ARID1A: variants seen among roughly 807,000 people sequenced by gnomAD.
ARID1A encodes the protein AT-rich interactive domain-containing protein 1A.
ARID1A carries 20 observed loss-of-function variants against 212.6 expected under a neutral mutation model. That is an observed-to-expected ratio of 0.09 (90% CI 0.07 to 0.14). The LOEUF is 0.14. ARID1A is among the 10% of genes least tolerant of loss of function. The pLI is 1.00. For missense variants in ARID1A, 2,587 were observed against 3,059.0 expected (o/e 0.85, Z 3.64); for synonymous variants, 1,376 against 1,222.1 (o/e 1.13, Z -2.63).
At position 26,766,350 on chromosome 1, in the gene ARID1A, G is replaced by A. The variant is rs2124080415; in HGVS notation, c.2862G>A (p.Met954Ile). ...CCCCATATTCCATGGGTGGAACCAT[G>A]GCCAACAATTCTGCAGGTAAGTGCT... ...QGPPYSMGGT[M>I]ANNSAGMAAS... is the part of the protein sequence containing the mutation. The change falls in exon 9 of 20, where the codon ATG becomes ATA. Residue 954 changes from methionine (M) to isoleucine (I), a missense_variant. Coordinates refer to ENST00000324856, the MANE Select transcript of ARID1A (RefSeq NM_006015.6). 1 of 1,614,178 alleles carries A rather than the reference G, an allele frequency of 6.2e-7. No homozygotes were observed. The highest frequency in any genetic ancestry group is 8.5e-7 in the Non-Finnish European group (1 of 1,180,032).
Position 26,779,074 on chromosome 1 carries a change from G to GT in ARID1A, c.5176_5177insT (p.Glu1726ValfsTer10). Reference sequence around the variant, plus strand: ...AGAATATTTCCGACGATGCCTGATTGAGATCTTTGGCATTTTAAAGGAGTA... The same window carrying GT: ...AGAATATTTCCGACGATGCCTGATTGTAGATCTTTGGCATTTTAAAGGAGTA... On this transcript the variant is annotated frameshift_variant, in exon 20 of 20. Transcript: ENST00000324856. LOFTEE classifies it high-confidence loss of function. 4 of 1,513,118 alleles carry GT rather than the reference G, an allele frequency of 2.6e-6. No individual in the cohort carries two copies. Among genetic ancestry groups the GT allele is most frequent in the Admixed American group, 2.3e-5 (1 of 44,406 alleles). The allele number at this position is 1,513,118 out of a possible 1,614,324, so 93.7% of individuals were successfully genotyped here.
At chr1:26,698,817 A>G (rs2080304642) in intron 1 of ARID1A, among the ~76,000 whole-genome samples, 1 of 152,098 alleles carries the variant, frequency 6.6e-6, no homozygotes, top group Non-Finnish European at 1.5e-5. Context: ...TGGGATCTTT[A>G]TGGGGGGCCA....
intron 4 of ARID1A, among the ~76,000 whole-genome samples, chr1:26,755,726 G>A (rs1370535413): frequency 1.3e-5 from 2 of 151,948 alleles, no homozygotes; most frequent in Non-Finnish European, 2.9e-5. Flanking sequence ...TGATAGGAGT[G>A]GTTGGTGGGT....
rs1322562358 is a variant in ARID1A, at chr1:26,766,336, A to C, written c.2848A>C (p.Met950Leu). The C allele has an allele frequency of 6.2e-7, 1 of 1,614,186 alleles. No homozygotes were observed. Among genetic ancestry groups the C allele is most frequent in the Non-Finnish European group, 8.5e-7 (1 of 1,180,030 alleles). The change falls in exon 9 of 20, where the codon ATG becomes CTG. Residue 950 changes from methionine to leucine, a missense_variant. Met to Leu is a conservative substitution (Grantham distance 15, BLOSUM62 2). Around this residue, in one of 11 missense-constraint regions of ARID1A, gnomAD observed 674 missense variants for 813.4 expected, o/e 0.83. Coordinates refer to ENST00000324856, the MANE Select transcript of ARID1A (RefSeq NM_006015.6). ...CAACCCTCAGGGACCCCCATATTCC[A>C]TGGGTGGAACCATGGCCAACAATTC... ...MINPQGPPYS[M>L]GGTMANNSAG... is the part of the protein sequence containing the mutation.
intron 11 of ARID1A, 113 bp downstream of exon 11, chr1:26,768,112 C>T (rs2081054339): frequency 1.2e-5 from 14 of 1,203,744 alleles, no homozygotes; most frequent in South Asian, 1.5e-5. Flanking sequence ...TCCCCTCTCC[C>T]GCTTTCTGAG....
At chr1:26,699,373 C>T (rs1488747139) in intron 1 of ARID1A, among the ~76,000 whole-genome samples, 2 of 152,162 alleles carry the variant, frequency 1.3e-5, no homozygotes, top group East Asian at 1.9e-4. Flanking sequence ...TACATGTTTT[C>T]AAAGAGGGGG....
intron 12 of ARID1A, chr1:26,772,241 CAG>C (rs1314782574): frequency 1.6e-5 from 8 of 498,026 alleles, no homozygotes; most frequent in African/African-American, 7.6e-5. Flanking sequence ...GGCAATGACT[CAG>C]GGAATCACCA....
intron 3 of ARID1A, among the ~76,000 whole-genome samples, chr1:26,731,874 GT>G (rs1340251324): frequency 6.6e-6 from 1 of 151,812 alleles, no homozygotes; most frequent in Admixed American, 6.6e-5. Context: ...AATGGGACTG[GT>G]TTTTTTATTT....
At chr1:26,767,639 T>C (rs2081050807) in intron 10 of ARID1A, 151 bp from the exon 11 acceptor site, 1 of 781,690 alleles carries the variant, frequency 1.3e-6, no homozygotes, top group East Asian at 2.7e-5. Context: ...GGTTCTCTTT[T>C]GGCCCTTCAA....
intron 4 of ARID1A, chr1:26,753,347 C>T (rs1318825894): frequency 2.6e-5 from 4 of 152,230 alleles, no homozygotes; most frequent in African/African-American, 9.6e-5. Flanking sequence ...CATGCTGGCA[C>T]TCACTAGGGC....
chr1:26,696,926 G>A lies in ARID1A; in HGVS notation c.523G>A (p.Gly175Arg). Reference sequence around the variant, plus strand: ...CGCCGTCTTCCACCAACAACATGGCGGACAACAAAGCCCTGGCCTGGCAGC... The same window carrying A: ...CGCCGTCTTCCACCAACAACATGGCAGACAACAAAGCCCTGGCCTGGCAGC... ...AAAVFHQQHG[G>R]QQSPGLAALQ... Residue 175 changes from glycine (G) to arginine (R), a missense_variant, in exon 1 of 20, where the codon GGA becomes AGA. This residue lies in a region of ARID1A where 735 missense variants were observed against 590.6 expected (regional missense o/e 1.24). Transcript: ENST00000324856. 1.4e-6 allele frequency: 2 copies of A among 1,425,942 alleles called. No homozygotes were observed. The highest frequency in any genetic ancestry group is 3.3e-5 in the Admixed American group (1 of 30,346). The allele number at this position is 1,425,942 out of a possible 1,614,324, so 88.3% of individuals were successfully genotyped here.
chr1:26,737,640 C>T (rs775723367), intron 4 of ARID1A, among the ~76,000 whole-genome samples: 20 of 151,882 alleles, frequency 1.3e-4, no homozygotes, highest in Non-Finnish European at 2.6e-4. Context: ...CTGAGGTGGG[C>T]GGATCACCTG....
intron 4 of ARID1A, among the ~76,000 whole-genome samples, chr1:26,751,443 A>C (rs2080884509): frequency 6.6e-6 from 1 of 152,202 alleles, no homozygotes; most frequent in Non-Finnish European, 1.5e-5. Context: ...CATGGAACCC[A>C]GCCTTTGATC....
intron 4 of ARID1A, among the ~76,000 whole-genome samples, chr1:26,750,519 C>T (rs898550229): frequency 2.6e-5 from 4 of 151,968 alleles, no homozygotes; most frequent in African/African-American, 7.3e-5. Flanking sequence ...AGAGTGGGGT[C>T]CCTAAACAAA....
At position 26,767,873 on chromosome 1, in the gene ARID1A, G is replaced by A. The variant is rs1444728670; in HGVS notation, c.3072G>A (p.Val1024=). The A allele has an allele frequency of 5.0e-6, 8 of 1,614,094 alleles. No homozygotes were observed. Among genetic ancestry groups the A allele is most frequent in the Non-Finnish European group, 6.8e-6 (8 of 1,180,008 alleles). ...GTGAGCCTGAGAGGAAGATGTGGGTGGACCGTTATCTGGCCTTCACTGAGG... is the reference window on the plus strand; with the variant it reads ...GTGAGCCTGAGAGGAAGATGTGGGTAGACCGTTATCTGGCCTTCACTGAGG... ...LGGEPERKMW[V]DRYLAFTEEK... The change falls in exon 11 of 20, where the codon GTG becomes GTA. Residue 1024 remains valine, a synonymous_variant. Coordinates refer to ENST00000324856, the MANE Select transcript of ARID1A (RefSeq NM_006015.6).
At chr1:26,698,952 A>G (rs948571844) in intron 1 of ARID1A, among the ~76,000 whole-genome samples, 9 of 152,298 alleles carry the variant, frequency 5.9e-5, no homozygotes, top group African/African-American at 2.2e-4. Context: ...TCTTGTTAAC[A>G]CTTTCTTTTG....
chr1:26,776,919 A>G (rs925877848), intron 19 of ARID1A, among the ~76,000 whole-genome samples: 1 of 152,152 alleles, frequency 6.6e-6, no homozygotes, highest in Non-Finnish European at 1.5e-5. Flanking sequence ...GCCTGATTTT[A>G]TTTCCATTGC....
intron 4 of ARID1A, among the ~76,000 whole-genome samples, chr1:26,733,184 A>G (rs1364883536): frequency 6.6e-6 from 1 of 152,040 alleles, no homozygotes; most frequent in African/African-American, 2.4e-5. Context: ...TCCTGGAGCA[A>G]TTCAGCATGC....
intron 1 of ARID1A, among the ~76,000 whole-genome samples, chr1:26,721,434 A>T (rs906361329): frequency 6.6e-6 from 1 of 151,950 alleles, no homozygotes; most frequent in Non-Finnish European, 1.5e-5. Flanking sequence ...CTGGTCTCGA[A>T]CTCATGATCC....
Sources: allele counts gnomAD v4.1 joint callset (sites outside exome capture counted in the v4.1 genomes callset), GRCh38; gene constraint gnomAD v4.1.1; regional missense constraint gnomAD v4.1.1; transcripts MANE v1.5; gene names NCBI Gene and HGNC (gene_info 2026-07-23, HGNC 2026-07-21).